MEMO1: variants seen among roughly 807,000 people sequenced by gnomAD.
MEMO1 encodes the protein mediator of cell motility 1, also known as protein MEMO1.
MEMO1 carries 6 observed loss-of-function variants against 45.2 expected under a neutral mutation model. That is an observed-to-expected ratio of 0.13 (90% confidence interval 0.07 to 0.26). The LOEUF (loss-of-function observed/expected upper bound fraction) is 0.26. Among genes scored for constraint, MEMO1 ranks in the 10% least tolerant of loss-of-function variants. MEMO1 has a pLI of 1.00. For missense variants in MEMO1, 184 were observed against 370.5 expected (o/e 0.50, Z 4.13); for synonymous variants, 78 against 124.3 (o/e 0.63, Z 2.48).
intron 2 of MEMO1, among the ~76,000 whole-genome samples, chr2:31,977,878 G>A (rs1670188666): frequency 6.6e-6 from 1 of 152,118 alleles, no homozygotes; most frequent in African/African-American, 2.4e-5. Context: ...TATGTAGTAT[G>A]AGTTAAATTA....
chr2:31,912,384 T>A (rs995768678), intron 6 of MEMO1, among the ~76,000 whole-genome samples: 2 of 151,052 alleles, frequency 1.3e-5, no homozygotes, highest in Non-Finnish European at 3.0e-5. Context: ...ATGGTGGCAC[T>A]TGCCTGTAAT....
intron 6 of MEMO1, among the ~76,000 whole-genome samples, chr2:31,899,474 C>T (rs1297259002): frequency 1.3e-5 from 2 of 152,174 alleles, no homozygotes; most frequent in East Asian, 1.9e-4. Context: ...GGAAAACTGG[C>T]TAGCTATATG....
chr2:31,932,236 A>G, intron 3 of MEMO1, 101 bp from the exon 4 acceptor site: 9 of 918,162 alleles, frequency 9.8e-6, no homozygotes, highest in Admixed American at 2.3e-5. Flanking sequence ...GGTAAACACA[A>G]CAGAATTGAG....
intron 2 of MEMO1, among the ~76,000 whole-genome samples, chr2:31,983,153 C>T (rs554134582): frequency 6.6e-6 from 1 of 151,686 alleles, no homozygotes; most frequent in Admixed American, 6.6e-5. Flanking sequence ...CCCAGCTACT[C>T]GAGAGGCTGA....
chr2:31,935,200 G>A (rs1664765745), intron 3 of MEMO1, among the ~76,000 whole-genome samples: 2 of 152,136 alleles, frequency 1.3e-5, no homozygotes, highest in Non-Finnish European at 2.9e-5. Flanking sequence ...CAGGACTTCA[G>A]CCAGGACTGC....
chr2:31,912,710 TA>T (rs1680779228), intron 6 of MEMO1, among the ~76,000 whole-genome samples: 1 of 152,140 alleles, frequency 6.6e-6, no homozygotes, highest in Admixed American at 6.5e-5. Flanking sequence ...CGTGTATGTA[TA>T]AATTTTACAT....
At position 31,966,377 on chromosome 2, in the gene MEMO1, C is replaced by G. The variant is rs192117956; in HGVS notation, c.62-22994G>C. Among the ~76,000 whole-genome samples the G allele has an allele frequency of 9.2e-5, 14 of 152,302 alleles. No homozygotes were observed. The South Asian group carries it at 1.7e-3, about 18-fold the overall frequency. On this transcript the variant is annotated intron_variant, in intron 2 of 9. Coordinates refer to ENST00000404530, the MANE Select transcript of MEMO1 (RefSeq NM_001301833.4). The stretch of plus-strand genomic sequence containing the variant: ...ATCTGTCATTAGAGTTTGAAGCAGA[C>G]ACCTTTCTTCTGAAAGATGAATAGT...
chr2:31,957,873 T>C (rs746048151), intron 2 of MEMO1, among the ~76,000 whole-genome samples: 1 of 152,230 alleles, frequency 6.6e-6, no homozygotes, highest in African/African-American at 2.4e-5. Context: ...ATTTTTGGTT[T>C]TGGGTATTTG....
intron 8 of MEMO1, among the ~76,000 whole-genome samples, chr2:31,882,630 A>C (rs1036333997): frequency 2.6e-5 from 4 of 152,210 alleles, no homozygotes; most frequent in Non-Finnish European, 5.9e-5. Context: ...GAAATTTTAA[A>C]TTTTAAAATA....
At chr2:31,914,905 T>A (rs979164050) in intron 6 of MEMO1, among the ~76,000 whole-genome samples, 2 of 150,208 alleles carry the variant, frequency 1.3e-5, no homozygotes, top group African/African-American at 4.9e-5. Context: ...TACAGTGAGT[T>A]ATAATTGTGC....
At chr2:31,918,794 A>G (rs1203198639) in intron 5 of MEMO1, among the ~76,000 whole-genome samples, 1 of 152,196 alleles carries the variant, frequency 6.6e-6, no homozygotes, top group Non-Finnish European at 1.5e-5. Context: ...AACCAATTTT[A>G]TAATTAGATC....
chr2:31,868,635 G>T, intron 9 of MEMO1, 143 bp from the exon 10 acceptor site: 1 of 702,998 alleles, frequency 1.4e-6, no homozygotes, highest in Non-Finnish European at 2.1e-6. Flanking sequence ...TTCTCTTGTT[G>T]CATCATATTA....
At chr2:32,010,708 A>AC (rs1366073790) in intron 1 of MEMO1, among the ~76,000 whole-genome samples, 1 of 63,692 alleles carries the variant, frequency 1.6e-5, no homozygotes. Flanking sequence ...CCCCGCACCC[A>AC]CCCCCACCCC....
At chr2:31,962,400 AAAG>A (rs1052232583) in intron 2 of MEMO1, among the ~76,000 whole-genome samples, 2 of 152,064 alleles carry the variant, frequency 1.3e-5, no homozygotes, top group Non-Finnish European at 2.9e-5. Context: ...AAAAAGAAGA[AAAG>A]AAAAGAAAGA....
chr2:31,989,405 G>A (rs1671669004), intron 2 of MEMO1, among the ~76,000 whole-genome samples: 1 of 152,168 alleles, frequency 6.6e-6, no homozygotes, highest in Non-Finnish European at 1.5e-5. Flanking sequence ...GAATGGTGAC[G>A]ATATTAACAG....
rs553522483 is a variant in MEMO1 at position 31,868,017 on chromosome 2, A to G, written c.*344T>C. The G allele has an allele frequency of 1.9e-5, 3 of 160,898 alleles. No homozygotes were observed. The highest frequency in any genetic ancestry group is 7.2e-5 in the African/African-American group (3 of 41,924). 10.0% of individuals were successfully genotyped at this position (160,898 alleles called of 1,614,324 possible). A position where few individuals can be genotyped will look rare whatever the true frequency, so the allele number is the denominator to read the frequency against. On this transcript the variant is annotated 3_prime_UTR_variant, in exon 10 of 10. Transcript: ENST00000404530. The stretch of plus-strand genomic sequence containing the variant: ...TGCAAAACTATTCTGAAAGCGGAAT[A>G]TATGTGCACAAGTCTGCAAAGAGTG...
intron 6 of MEMO1, among the ~76,000 whole-genome samples, chr2:31,907,812 CACACACACAT>C (rs1281506856): frequency 6.6e-6 from 1 of 151,720 alleles, no homozygotes; most frequent in Non-Finnish European, 1.5e-5. Context: ...CACACACACA[CACACACACAT>C]ACACACAACT....
intron 2 of MEMO1, among the ~76,000 whole-genome samples, chr2:31,964,926 T>C (rs1453720659): frequency 6.6e-6 from 1 of 151,804 alleles, no homozygotes; most frequent in East Asian, 2.0e-4. Context: ...TGAAATGATA[T>C]GGTGAGGCTG....
chr2:31,928,211 C>T (rs925080269), intron 4 of MEMO1, among the ~76,000 whole-genome samples: 2 of 152,180 alleles, frequency 1.3e-5, no homozygotes, highest in Non-Finnish European at 2.9e-5. Flanking sequence ...CTCTCACACT[C>T]CCCATTAAGT....
Sources: gnomAD v4.1 joint callset for allele counts (sites outside exome capture counted in the v4.1 genomes callset) on GRCh38, gnomAD v4.1.1 for gene constraint, MANE v1.5 for transcripts, NCBI Gene and HGNC (gene_info 2026-07-23, HGNC 2026-07-21) for gene names.